The following PTPRD variants were observed in gnomAD, a reference collection of about 807,000 sequenced individuals.
PTPRD encodes the protein protein tyrosine phosphatase receptor type D.
PTPRD carries 34 observed loss-of-function variants against 214.5 expected under a neutral mutation model. That is an observed-to-expected ratio of 0.16 (90% CI 0.12 to 0.21). The LOEUF (loss-of-function observed/expected upper bound fraction) is 0.21. Ranked by LOEUF, PTPRD falls within the 10% of genes least tolerant of loss-of-function variation. The pLI, the probability that PTPRD is intolerant of heterozygous loss-of-function variation, is 1.00. For missense variants in PTPRD, 2,545 were observed against 2,398.7 expected (o/e 1.06, Z -1.27); for synonymous variants, 1,128 against 845.7 (o/e 1.33, Z -5.79).
intron 10 of PTPRD, among the ~76,000 whole-genome samples, chr9:9,076,923 G>A (rs755972499): frequency 1.3e-5 from 2 of 151,694 alleles, no homozygotes; most frequent in African/African-American, 2.4e-5. Context: ...CCTACCAACA[G>A]TGTACAAGGG....
In PTPRD at chr9:9,275,074, A is replaced by AT. The variant is rs144774025; in HGVS notation, c.-202-91712dup. ...ATATATGTATATATATATTATATATATATATATAATATATATGTTATATAT... is the reference window on the plus strand; with the variant it reads ...ATATATGTATATATATATTATATATATTATATATAATATATATGTTATATAT... On this transcript the variant is annotated intron_variant, in intron 9 of 45. Transcript: ENST00000381196. 3.8e-4 allele frequency among the ~76,000 whole-genome samples: 25 copies of AT among 66,092 alleles called. 1 individual carries two copies. The highest frequency in any genetic ancestry group is 1.3e-3 in the African/African-American group (24 of 17,894). The allele number at this position is 66,092 out of a possible 152,430, so 43.4% of individuals were successfully genotyped here. A position where few individuals can be genotyped will look rare whatever the true frequency, so the allele number is the denominator to read the frequency against.
chr9:9,630,949 C>T (rs77858152), intron 7 of PTPRD, among the ~76,000 whole-genome samples: 2,128 of 152,038 alleles, frequency 0.014, 47 homozygotes, highest in African/African-American at 0.049. Context: ...GGATAAAATA[C>T]AGGAATAATG....
chr9:9,001,855 A>G lies in PTPRD; in HGVS notation c.-104+16842T>C, dbSNP rs570351858. 6.8e-4 allele frequency among the ~76,000 whole-genome samples: 103 copies of G among 151,922 alleles called. 2 individuals carry two copies. Among genetic ancestry groups the G allele is most frequent in the Admixed American group, 6.7e-3 (102 of 15,214 alleles). On this transcript the variant is annotated intron_variant, in intron 11 of 45. Coordinates refer to ENST00000381196, the MANE Select transcript of PTPRD (RefSeq NM_002839.4). ...TAAATAAAGTAGAAACTAGGCACATATTTTTCTTCTTTGATTCTTCCTATT... is the reference window on the plus strand; with the variant it reads ...TAAATAAAGTAGAAACTAGGCACATGTTTTTCTTCTTTGATTCTTCCTATT...
At chr9:8,993,044 T>C (rs894987013) in intron 11 of PTPRD, among the ~76,000 whole-genome samples, 3 of 152,190 alleles carry the variant, frequency 2.0e-5, no homozygotes, top group Admixed American at 1.3e-4. Flanking sequence ...CTACCAAAGA[T>C]GGCTACAGTT....
chr9:9,640,783 G>A (rs1452891641), intron 7 of PTPRD, among the ~76,000 whole-genome samples: 2 of 152,198 alleles, frequency 1.3e-5, no homozygotes, highest in Admixed American at 6.5e-5. Flanking sequence ...AGGGAGAAGA[G>A]AATCTTAAGA....
chr9:8,929,909 A>ATGTGTATATACG (rs1555537672), intron 11 of PTPRD, among the ~76,000 whole-genome samples: 904 of 61,166 alleles, frequency 0.015, 99 homozygotes, highest in East Asian at 0.069. Context: ...GTGTATATAT[A>ATGTGTATATACG]TGTGTGTGTA....
intron 4 of PTPRD, among the ~76,000 whole-genome samples, chr9:10,013,367 A>C (rs1194705223): frequency 6.6e-6 from 1 of 151,972 alleles, no homozygotes; most frequent in Non-Finnish European, 1.5e-5. Context: ...GTAAATGAAT[A>C]TTCCATTTGT....
intron 8 of PTPRD, among the ~76,000 whole-genome samples, chr9:9,402,680 G>A (rs1053584109): frequency 6.6e-6 from 1 of 151,772 alleles, no homozygotes; most frequent in South Asian, 2.1e-4. Flanking sequence ...TATGAAATGA[G>A]TATTTAAAAT....
chr9:8,490,757 A>C (rs1412711272), intron 27 of PTPRD, among the ~76,000 whole-genome samples: 9 of 152,198 alleles, frequency 5.9e-5, no homozygotes, highest in African/African-American at 2.2e-4. Context: ...AGATTACTTA[A>C]ATTATGATCA....
chr9:8,748,276 T>C (rs2093071995), intron 11 of PTPRD, among the ~76,000 whole-genome samples: 1 of 151,970 alleles, frequency 6.6e-6, no homozygotes, highest in Admixed American at 6.6e-5. Flanking sequence ...CATCCACCTT[T>C]AAACACGGGG....
At chr9:9,300,467 C>T (rs1197262115) in intron 9 of PTPRD, among the ~76,000 whole-genome samples, 1 of 151,756 alleles carries the variant, frequency 6.6e-6, no homozygotes, top group African/African-American at 2.4e-5. Context: ...CATAAGCTTT[C>T]CCTGACAGCA....
At chr9:9,622,173 G>C (rs1245779332) in intron 7 of PTPRD, among the ~76,000 whole-genome samples, 1 of 152,150 alleles carries the variant, frequency 6.6e-6, no homozygotes, top group Non-Finnish European at 1.5e-5. Context: ...CTTCAAATTA[G>C]ACCATTAGAC....
At chr9:8,832,871 G>A (rs1386873348) in intron 11 of PTPRD, among the ~76,000 whole-genome samples, 1 of 151,542 alleles carries the variant, frequency 6.6e-6, no homozygotes, top group Non-Finnish European at 1.5e-5. Context: ...TACCCCCAAA[G>A]AACAAAAAAT....
intron 5 of PTPRD, among the ~76,000 whole-genome samples, chr9:9,931,706 G>A (rs978995599): frequency 1.3e-5 from 2 of 151,566 alleles, no homozygotes; most frequent in South Asian, 2.1e-4. Context: ...TGGGAAGCTC[G>A]AACTGGGTGG....
At chr9:8,907,034 G>A (rs769006068) in intron 11 of PTPRD, among the ~76,000 whole-genome samples, 2 of 152,056 alleles carry the variant, frequency 1.3e-5, no homozygotes, top group Non-Finnish European at 2.9e-5. Context: ...TTTTGCATAT[G>A]TTTCTCAACC....
chr9:8,677,380 G>A (rs907358526), intron 12 of PTPRD, among the ~76,000 whole-genome samples: 1 of 152,152 alleles, frequency 6.6e-6, no homozygotes, highest in Non-Finnish European at 1.5e-5. Flanking sequence ...TAACACAGAT[G>A]GAGTGGGAGG....
intron 2 of PTPRD, among the ~76,000 whole-genome samples, chr9:10,572,608 C>T (rs916190071): frequency 6.6e-5 from 10 of 151,976 alleles, no homozygotes; most frequent in African/African-American, 1.9e-4. Flanking sequence ...CTATTCTTAC[C>T]AACTAAAAAA....
At chr9:8,321,530 AG>A (rs1554670491) in intron 44 of PTPRD, among the ~76,000 whole-genome samples, 1 of 95,976 alleles carries the variant, frequency 1.0e-5, no homozygotes, top group Non-Finnish European at 2.4e-5. Flanking sequence ...TATATATAAA[AG>A]GTATATGCAT....
At chr9:10,334,179 T>A (rs2096801220) in intron 3 of PTPRD, among the ~76,000 whole-genome samples, 1 of 151,708 alleles carries the variant, frequency 6.6e-6, no homozygotes, top group Admixed American at 6.6e-5. Flanking sequence ...TTCTTCAACT[T>A]AGTTAACAAA....
Sources: gnomAD v4.1 joint callset for allele counts (sites outside exome capture counted in the v4.1 genomes callset) on GRCh38, gnomAD v4.1.1 for gene constraint, MANE v1.5 for transcripts, NCBI Gene and HGNC (gene_info 2026-07-23, HGNC 2026-07-21) for gene names.